ATP7A: variants seen among roughly 807,000 people sequenced by gnomAD.
ATP7A encodes the protein copper-transporting ATPase 1.
Under a neutral mutation model 83.5 loss-of-function variants are expected in ATP7A, and 7 were observed. The ratio of observed to expected loss-of-function variants is 0.08; its 90% CI spans 0.05 to 0.16. The LOEUF (loss-of-function observed/expected upper bound fraction) is 0.16. Among genes scored for constraint, ATP7A ranks in the 10% least tolerant of loss-of-function variants. ATP7A has a pLI of 1.00. For missense variants in ATP7A, 940 were observed against 1,120.8 expected (o/e 0.84, Z 2.30); for synonymous variants, 354 against 395.2 (o/e 0.90, Z 1.24).
chrX:78,049,149 G>T lies in ATP7A; in HGVS notation c.*2579G>T, dbSNP rs1236268262. 1 of 111,884 alleles carries T rather than the reference G, an allele frequency of 8.9e-6. No individual in the cohort carries two copies. Among genetic ancestry groups the T allele is most frequent in the African/African-American group, 3.2e-5 (1 of 30,851 alleles). The allele number at this position is 111,884 out of a possible 1,213,427, so 9.2% of individuals were successfully genotyped here. A position where few individuals can be genotyped will look rare whatever the true frequency, so the allele number is the denominator to read the frequency against. On this transcript the variant is annotated 3_prime_UTR_variant, in exon 23 of 23. Transcript: ENST00000341514. ...TCAAAGAGAAGCTGTATTTACAGGA[G>T]AAAGAGGTGATTATGGAGGGAATCA...
At position 78,046,861 on chromosome X, in the gene ATP7A, G is replaced by T; in HGVS notation, c.*291G>T. ...TACAATTAGAGATTGCTGAACTGCT[G>T]CTAAAGTGATTTTTTTTTTATTTGA... On this transcript the variant is annotated 3_prime_UTR_variant, in exon 23 of 23. Transcript: ENST00000341514. 4.8e-6 allele frequency: 1 copy of T among 207,379 alleles called. No homozygotes were observed. The highest frequency in any genetic ancestry group is 7.2e-5 in the Admixed American group (1 of 13,837). 17.1% of individuals were successfully genotyped at this position (207,379 alleles called of 1,213,427 possible). A position where few individuals can be genotyped will look rare whatever the true frequency, so the allele number is the denominator to read the frequency against.
chrX:78,026,917 G>A (rs972333854), intron 14 of ATP7A, among the ~76,000 whole-genome samples: 18 of 111,504 alleles, frequency 1.6e-4, no homozygotes, highest in African/African-American at 5.5e-4. Flanking sequence ...GGGAGGCCGA[G>A]GCGGGTGGAT....
chrX:77,966,013 G>A (rs1437473859), intron 1 of ATP7A, among the ~76,000 whole-genome samples: 2 of 112,225 alleles, frequency 1.8e-5, no homozygotes, highest in African/African-American at 3.2e-5. Flanking sequence ...TAGGTAAGGG[G>A]TATGTTTTGT....
chrX:78,016,014 C>G (rs2077860711), intron 12 of ATP7A, 133 bp downstream of exon 12: 1 of 738,936 alleles, frequency 1.4e-6, no homozygotes, highest in African/African-American at 2.1e-5. Flanking sequence ...TGTATTAAAT[C>G]AATTTCCTCA....
At chrX:78,044,216 C>T (rs917081554) in intron 21 of ATP7A, among the ~76,000 whole-genome samples, 4 of 94,623 alleles carry the variant, frequency 4.2e-5, no homozygotes, top group Admixed American at 1.3e-4. Context: ...ATCGCGCCAT[C>T]GCACTTCAGC....
chrX:78,041,420 C>CAT (rs1282262311), intron 19 of ATP7A, among the ~76,000 whole-genome samples: 1 of 109,398 alleles, frequency 9.1e-6, no homozygotes, highest in Non-Finnish European at 1.9e-5. Context: ...GGATTACATG[C>CAT]ATACACCACC....
chrX:77,988,489 G>A lies in ATP7A; in HGVS notation c.368G>A (p.Arg123Lys), dbSNP rs782664232. 4 of 1,211,645 alleles carry A rather than the reference G, an allele frequency of 3.3e-6. No homozygotes were observed. Among genetic ancestry groups the A allele is most frequent in the Non-Finnish European group, 3.4e-6 (3 of 895,458 alleles). ...GACATTAAAATTTACCCTCAGAAAA[G>A]AACTGTAGCAGTGACAATAATCCCT... ...VTDIKIYPQK[R>K]TVAVTIIPSI... is the part of the protein sequence containing the mutation. Residue 123 changes from arginine (R) to lysine (K), a missense_variant, in exon 3 of 23, where the codon AGA (arginine) becomes AAA (lysine). Physicochemically the swap from Arg to Lys is conservative, Grantham distance 26. This residue lies in a region of ATP7A where 350 missense variants were observed against 432.8 expected (regional missense o/e 0.81). Coordinates refer to ENST00000341514, the MANE Select transcript of ATP7A (RefSeq NM_000052.7).
intron 9 of ATP7A, 156 bp downstream of exon 9, chrX:78,011,830 T>C: frequency 3.3e-6 from 2 of 598,930 alleles, no homozygotes; most frequent in South Asian, 2.3e-5. Flanking sequence ...TGGGTAGTTA[T>C]TTAAGTTGAT....
chrX:78,003,280 A>G, intron 6 of ATP7A, 44 bp downstream of exon 6: 2 of 1,144,705 alleles, frequency 1.7e-6, no homozygotes, highest in Non-Finnish European at 2.4e-6. Flanking sequence ...TCCAGAAAAA[A>G]AACTTGGTAA....
chrX:77,992,298 C>T (rs782562746), intron 4 of ATP7A, among the ~76,000 whole-genome samples: 5 of 109,799 alleles, frequency 4.6e-5, no homozygotes, highest in East Asian at 2.9e-4. Flanking sequence ...CTCCTGACCT[C>T]GTGATCCACC....
intron 19 of ATP7A, among the ~76,000 whole-genome samples, 177 bp from the exon 20 acceptor site, chrX:78,042,408 C>T (rs1477481117): frequency 9.0e-5 from 10 of 111,705 alleles, no homozygotes; most frequent in African/African-American, 2.6e-4. Flanking sequence ...ACAATTTACA[C>T]ACCAGCCACT....
chrX:77,929,163 C>T (rs1325920671), intron 1 of ATP7A, among the ~76,000 whole-genome samples: 3 of 111,793 alleles, frequency 2.7e-5, no homozygotes, highest in Admixed American at 9.5e-5. Flanking sequence ...TTTGTCTTCT[C>T]GAGATGAGTG....
chrX:78,010,284 C>G (rs1197562555), intron 7 of ATP7A, among the ~76,000 whole-genome samples: 1 of 111,948 alleles, frequency 8.9e-6, no homozygotes, highest in African/African-American at 3.2e-5. Context: ...TAGCTAATAA[C>G]TGTCATAACT....
At chrX:78,040,199 G>GC (rs72092192) in intron 18 of ATP7A, among the ~76,000 whole-genome samples, 1,045 of 86,898 alleles carry the variant, frequency 0.012, 9 homozygotes, top group East Asian at 0.034. Context: ...GTCTCTCTCT[G>GC]CCCCCCCCCC....
Position 78,013,027 on chromosome X carries a change from A to G in ATP7A, c.2321A>G (p.Lys774Arg). ...ILLVAMYERAKVNPITFFDTP... is the reference protein window; with the variant it reads ...ILLVAMYERARVNPITFFDTP... ...CTAGTTGCAATGTATGAGAGAGCCA[A>G]AGTGAACCCTATTACTTTCTTTGAC... Residue 774 changes from lysine to arginine, a missense_variant, in exon 10 of 23, where the codon AAA becomes AGA. Physicochemically the swap from Lys to Arg is conservative, Grantham distance 26. Transcript: ENST00000341514. 8.3e-7 allele frequency: 1 copy of G among 1,211,296 alleles called. No individual in the cohort carries two copies. Among genetic ancestry groups the G allele is most frequent in the Non-Finnish European group, 1.1e-6 (1 of 895,234 alleles).
intron 2 of ATP7A, among the ~76,000 whole-genome samples, chrX:77,975,283 A>C (rs1388088118): frequency 2.8e-5 from 3 of 108,613 alleles, no homozygotes; most frequent in Non-Finnish European, 5.7e-5. Flanking sequence ...CGCAATTCTC[A>C]GCACTAATTG....
chrX:77,993,888 ATAT>A (rs1569549647), intron 4 of ATP7A, among the ~76,000 whole-genome samples: 1 of 111,399 alleles, frequency 9.0e-6, no homozygotes, highest in Non-Finnish European at 1.9e-5. Flanking sequence ...ATAATATTAA[ATAT>A]TATAATTTAA....
chrX:78,011,822 G>A, intron 9 of ATP7A, 148 bp downstream of exon 9: 1 of 620,366 alleles, frequency 1.6e-6, no homozygotes, highest in Non-Finnish European at 2.7e-6. Context: ...TCTTCAACTG[G>A]GTAGTTATTT....
At chrX:77,958,006 T>G (rs1471797268) in intron 1 of ATP7A, among the ~76,000 whole-genome samples, 1 of 111,309 alleles carries the variant, frequency 9.0e-6, no homozygotes, top group Non-Finnish European at 1.9e-5. Flanking sequence ...GGGAAGATCC[T>G]TCATGACGGG....
Sources: gnomAD v4.1 joint callset for allele counts (sites outside exome capture counted in the v4.1 genomes callset) on GRCh38, gnomAD v4.1.1 for gene constraint, gnomAD v4.1.1 regional missense constraint, MANE v1.5 for transcripts, NCBI Gene and HGNC (gene_info 2026-07-23, HGNC 2026-07-21) for gene names.